The following CNBD1 variants were observed in gnomAD, a reference collection of about 807,000 sequenced individuals.
The protein encoded by CNBD1 is cyclic nucleotide binding domain containing 1.
CNBD1 carries 71 observed loss-of-function variants against 54.4 expected under a neutral mutation model. That is an observed-to-expected ratio of 1.30 (90% CI 1.08 to 1.59). The LOEUF (loss-of-function observed/expected upper bound fraction) is 1.59, where lower values mean the gene tolerates loss of function less well. CNBD1 is among the 40% of genes most tolerant of loss of function. The pLI, the probability that CNBD1 is intolerant of heterozygous loss-of-function variation, is 0.00. For synonymous variants in CNBD1, 182 were observed against 170.7 expected (o/e 1.07, Z -0.51); for missense variants, 659 against 518.0 (o/e 1.27, Z -2.64).
At chr8:86,932,287 G>A (rs1450814935) in intron 3 of CNBD1, among the ~76,000 whole-genome samples, 1 of 152,172 alleles carries the variant, frequency 6.6e-6, no homozygotes, top group Non-Finnish European at 1.5e-5. Context: ...AAGTCAGAGA[G>A]GGAGAAAGGG....
At chr8:87,356,287 TAAG>T (rs575829469) in intron 10 of CNBD1, among the ~76,000 whole-genome samples, 62 of 152,240 alleles carry the variant, frequency 4.1e-4, no homozygotes, top group Middle Eastern at 3.4e-3. Flanking sequence ...GAAAGTCTCA[TAAG>T]AAGACAGCAG....
intron 3 of CNBD1, among the ~76,000 whole-genome samples, chr8:86,934,156 A>G (rs1809504642): frequency 6.6e-6 from 1 of 152,110 alleles, no homozygotes; most frequent in Non-Finnish European, 1.5e-5. Flanking sequence ...GACATATAAC[A>G]TCTTTTCCTG....
At chr8:86,938,659 C>T (rs1473036954) in intron 3 of CNBD1, among the ~76,000 whole-genome samples, 1 of 152,156 alleles carries the variant, frequency 6.6e-6, no homozygotes, top group African/African-American at 2.4e-5. Flanking sequence ...GAAAGATCTG[C>T]CCCCATGATT....
intron 4 of CNBD1, among the ~76,000 whole-genome samples, chr8:87,100,987 A>T (rs1050790505): frequency 6.6e-6 from 1 of 152,208 alleles, no homozygotes; most frequent in Non-Finnish European, 1.5e-5. Context: ...TAAATGAAAC[A>T]AAACAAAACG....
intron 8 of CNBD1, among the ~76,000 whole-genome samples, chr8:87,325,693 G>T (rs1210221512): frequency 7.1e-6 from 1 of 141,796 alleles, no homozygotes; most frequent in Non-Finnish European, 1.5e-5. Context: ...GAGCCCATGT[G>T]TGTCTCTGCA....
intron 4 of CNBD1, among the ~76,000 whole-genome samples, chr8:87,130,985 A>G (rs1027228769): frequency 3.3e-5 from 5 of 151,976 alleles, no homozygotes; most frequent in African/African-American, 9.7e-5. Context: ...TTAAGTTGCT[A>G]TATATTATTA....
In CNBD1 at chr8:87,284,902, T is replaced by G. The variant is rs1808663341; in HGVS notation, c.909+87T>G. ...GATTCTCTAGACAAAGACAGCTATA[T>G]CTGTTTTATTTTTAAATTTTAATTT... On this transcript the variant is annotated intron_variant, in intron 7 of 10. Coordinates refer to ENST00000518476, the MANE Select transcript of CNBD1 (RefSeq NM_173538.3). 6 of 948,722 alleles carry G rather than the reference T, an allele frequency of 6.3e-6. No individual in the cohort carries two copies. The South Asian group carries it at 1.3e-4, about 20-fold the overall frequency. The allele number at this position is 948,722 out of a possible 1,614,324, so 58.8% of individuals were successfully genotyped here.
At chr8:87,001,488 T>C (rs1808991550) in intron 4 of CNBD1, among the ~76,000 whole-genome samples, 1 of 152,214 alleles carries the variant, frequency 6.6e-6, no homozygotes, top group African/African-American at 2.4e-5. Context: ...AGTGTATTTG[T>C]GCTCTAATGG....
At chr8:87,080,614 C>T (rs1810971613) in intron 4 of CNBD1, among the ~76,000 whole-genome samples, 1 of 151,598 alleles carries the variant, frequency 6.6e-6, no homozygotes, top group African/African-American at 2.4e-5. Flanking sequence ...TTACTTTCTG[C>T]AAATGATTAT....
chr8:87,038,995 T>C (rs1810006498), intron 4 of CNBD1, among the ~76,000 whole-genome samples: 1 of 152,220 alleles, frequency 6.6e-6, no homozygotes, highest in African/African-American at 2.4e-5. Flanking sequence ...TCCTTCCCAC[T>C]ATAGGCTGTT....
chr8:86,887,574 C>A lies in CNBD1; in HGVS notation c.121C>A (p.Gln41Lys). ...AAAGTCTAAGCACATTAATTATGGCCAGTTGAATGCATTATGCCACATTAG... is the reference window on the plus strand; with the variant it reads ...AAAGTCTAAGCACATTAATTATGGCAAGTTGAATGCATTATGCCACATTAG... ...LKKSKHINYG[Q>K]LNALCHIRGQ... The change falls in exon 2 of 11, where the codon CAG (glutamine) becomes AAG (lysine). Residue 41 changes from glutamine (Q) to lysine (K), a missense_variant. By Grantham distance (53) the Gln-to-Lys change is moderately conservative. Coordinates refer to ENST00000518476, the MANE Select transcript of CNBD1 (RefSeq NM_173538.3). 1 of 1,579,416 alleles carries A rather than the reference C, an allele frequency of 6.3e-7. No individual in the cohort carries two copies. The highest frequency in any genetic ancestry group is 1.2e-5 in the South Asian group (1 of 85,826).
chr8:87,021,727 G>T (rs1809491938), intron 4 of CNBD1, among the ~76,000 whole-genome samples: 1 of 152,086 alleles, frequency 6.6e-6, no homozygotes. Context: ...TTACAACAAA[G>T]CTTTATCCTG....
At chr8:87,293,870 T>G (rs1043648372) in intron 8 of CNBD1, among the ~76,000 whole-genome samples, 5 of 152,200 alleles carry the variant, frequency 3.3e-5, no homozygotes, top group Non-Finnish European at 7.3e-5. Context: ...ATATATGGTT[T>G]TCAGATCTTG....
At chr8:87,284,620 G>A (rs764528496) in intron 6 of CNBD1, 58 bp from the exon 7 acceptor site, 5 of 1,459,364 alleles carry the variant, frequency 3.4e-6, no homozygotes, top group Non-Finnish European at 4.7e-6. Context: ...ATCCTTCACT[G>A]GCATTTTCAT....
In CNBD1 at chr8:87,149,081, C is replaced by T. The variant is rs555211874; in HGVS notation, c.432-56912C>T. ...TGCTTTGAATCAATGGGGCACACAA[C>T]TTGAATACCTAGGCTCAGAAATCTA... On this transcript the variant is annotated intron_variant, in intron 4 of 10. Transcript: ENST00000518476. Among the ~76,000 whole-genome samples the T allele has an allele frequency of 5.9e-5, 9 of 152,298 alleles. No individual in the cohort carries two copies. The South Asian group carries it at 1.2e-3, about 21-fold the overall frequency.
chr8:86,922,452 T>C (rs908818479), intron 3 of CNBD1, among the ~76,000 whole-genome samples: 52 of 152,252 alleles, frequency 3.4e-4, no homozygotes, highest in African/African-American at 1.2e-3. Flanking sequence ...TTTGTATTAA[T>C]AGAAATCTAA....
chr8:87,167,104 A>G (rs1812978374), intron 4 of CNBD1, among the ~76,000 whole-genome samples: 1 of 152,008 alleles, frequency 6.6e-6, no homozygotes, highest in South Asian at 2.1e-4. Flanking sequence ...CTTAAATCCC[A>G]CAACTTTGAT....
intron 4 of CNBD1, among the ~76,000 whole-genome samples, chr8:86,941,025 A>T (rs957530281): frequency 6.6e-6 from 1 of 152,198 alleles, no homozygotes; most frequent in Admixed American, 6.5e-5. Context: ...AAATCGCATG[A>T]TGACAGATTT....
intron 1 of CNBD1, among the ~76,000 whole-genome samples, chr8:86,881,585 C>T (rs1808607008): frequency 6.6e-6 from 1 of 152,142 alleles, no homozygotes; most frequent in African/African-American, 2.4e-5. Context: ...TTAAAATGGC[C>T]ATCTGCCCAA....
Sources: allele counts gnomAD v4.1 joint callset (sites outside exome capture counted in the v4.1 genomes callset), GRCh38; gene constraint gnomAD v4.1.1; transcripts MANE v1.5; gene names NCBI Gene and HGNC (gene_info 2026-07-23, HGNC 2026-07-21).